PDE1A: variants seen among roughly 807,000 people sequenced by gnomAD.
The protein encoded by PDE1A is dual specificity calcium/calmodulin-dependent 3',5'-cyclic nucleotide phosphodiesterase 1A.
PDE1A carries 35 observed loss-of-function variants against 61.7 expected under a neutral mutation model. That is an observed-to-expected ratio of 0.57 (90% CI 0.43 to 0.75). The LOEUF is 0.75. Ranked by LOEUF, PDE1A falls within the 30% of genes least tolerant of loss-of-function variation. PDE1A has a pLI of 0.00. For synonymous variants in PDE1A, 232 were observed against 213.2 expected, an observed-to-expected ratio of 1.09 and a Z score of -0.77; for missense variants, 597 against 630.6, an observed-to-expected ratio of 0.95 and a Z score of 0.57.
chr2:182,603,400 G>C, the PDE1A span, among the ~76,000 whole-genome samples: 1 of 152,192 alleles, frequency 6.6e-6, no homozygotes, highest in Non-Finnish European at 1.5e-5. Flanking sequence ...AGGCTGGAAT[G>C]CAGTGGCGCC....
intron 2 of PDE1A, among the ~76,000 whole-genome samples, chr2:182,491,776 G>C (rs924141610): frequency 2.1e-5 from 3 of 142,664 alleles, no homozygotes; most frequent in Non-Finnish European, 4.6e-5. Context: ...CTTTTTCCTT[G>C]ACTATCATTC....
chr2:182,226,820 G>A (rs1191235555), intron 6 of PDE1A, among the ~76,000 whole-genome samples: 1 of 139,902 alleles, frequency 7.1e-6, no homozygotes, highest in African/African-American at 3.3e-5. Context: ...TGCTCAGGTT[G>A]GCTTACTCTA....
At chr2:182,605,034 G>A in the PDE1A span, among the ~76,000 whole-genome samples, 1 of 119,070 alleles carries the variant, frequency 8.4e-6, no homozygotes, top group Non-Finnish European at 1.8e-5. Context: ...CCTGAGGGGA[G>A]TGGATTTTTT....
intron 1 of PDE1A, among the ~76,000 whole-genome samples, chr2:182,409,685 TG>T (rs1702501806): frequency 6.6e-6 from 1 of 152,200 alleles, no homozygotes; most frequent in Non-Finnish European, 1.5e-5. Context: ...GGAGGGTCAC[TG>T]GGTATACCAT....
intron 2 of PDE1A, among the ~76,000 whole-genome samples, chr2:182,488,748 C>T (rs1476009190): frequency 1.3e-5 from 2 of 152,156 alleles, no homozygotes; most frequent in African/African-American, 4.8e-5. Flanking sequence ...ATATCCAATG[C>T]CTATAAGTGT....
the PDE1A span, among the ~76,000 whole-genome samples, chr2:182,648,137 C>A: frequency 4.6e-5 from 7 of 152,142 alleles, no homozygotes; most frequent in African/African-American, 1.7e-4. Flanking sequence ...ACCTGGTAAC[C>A]TGGCAATCTG....
upstream of PDE1A, among the ~76,000 whole-genome samples, chr2:182,526,339 G>T (rs369958134): frequency 2.6e-5 from 4 of 152,198 alleles, no homozygotes; most frequent in East Asian, 7.7e-4. Context: ...AATTAGAATT[G>T]TAAGGACATT....
the PDE1A span, among the ~76,000 whole-genome samples, chr2:182,611,884 T>G: frequency 6.6e-6 from 1 of 152,180 alleles, no homozygotes; most frequent in African/African-American, 2.4e-5. Context: ...ATGAAGATGT[T>G]TGGTCAAATA....
intron 1 of PDE1A, among the ~76,000 whole-genome samples, chr2:182,361,546 A>G (rs573417691): frequency 6.6e-6 from 1 of 152,176 alleles, no homozygotes; most frequent in Admixed American, 6.6e-5. Flanking sequence ...AAAAATATGA[A>G]TGGCCAGGTT....
chr2:182,418,789 A>G (rs1316428828), intron 1 of PDE1A, among the ~76,000 whole-genome samples: 1 of 152,052 alleles, frequency 6.6e-6, no homozygotes, highest in Non-Finnish European at 1.5e-5. Flanking sequence ...ACTTAATCAC[A>G]ACCTTGAAAA....
the PDE1A span, among the ~76,000 whole-genome samples, chr2:182,533,273 T>C: frequency 1.3e-5 from 2 of 152,156 alleles, no homozygotes; most frequent in Non-Finnish European, 2.9e-5. Context: ...ATCACACCAC[T>C]GCACTCCAGC....
chr2:182,320,964 T>C (rs1158730230), intron 1 of PDE1A, among the ~76,000 whole-genome samples: 1 of 152,290 alleles, frequency 6.6e-6, no homozygotes, highest in East Asian at 1.9e-4. Flanking sequence ...CAATATGTAA[T>C]CATTAATTAA....
In PDE1A at chr2:182,187,548, TA is replaced by T. The variant is rs578038438; in HGVS notation, c.1208-961del. Among the ~76,000 whole-genome samples the T allele has an allele frequency of 2.0e-4, 31 of 152,254 alleles. No homozygotes were observed. In the East Asian group the frequency reaches 6.0e-3, roughly 29 times the overall value. On this transcript the variant is annotated intron_variant, in intron 11 of 13. Coordinates refer to ENST00000351439, the Ensembl canonical transcript of PDE1A. ...ATAATGTCCTGTAAATATGCACATT[TA>T]AAGATTGTCCATCAGATGCTTGGAT...
At chr2:182,515,191 A>G (rs1690055235) in intron 2 of PDE1A, among the ~76,000 whole-genome samples, 1 of 152,200 alleles carries the variant, frequency 6.6e-6, no homozygotes, top group African/African-American at 2.4e-5. Context: ...TATCCAAAAT[A>G]CTTTCCCAAA....
At chr2:182,439,672 A>T (rs1684665665) in intron 2 of PDE1A, among the ~76,000 whole-genome samples, 1 of 152,060 alleles carries the variant, frequency 6.6e-6, no homozygotes, top group Non-Finnish European at 1.5e-5. Flanking sequence ...GAACAATCCC[A>T]TATTCAGTAA....
At chr2:182,335,138 C>T (rs1046442337) in intron 1 of PDE1A, among the ~76,000 whole-genome samples, 1 of 152,134 alleles carries the variant, frequency 6.6e-6, no homozygotes, top group Non-Finnish European at 1.5e-5. Context: ...AATGGAAAAA[C>T]ATTCCATGCT....
chr2:182,394,149 C>A (rs534512908), intron 1 of PDE1A, among the ~76,000 whole-genome samples: 1 of 152,074 alleles, frequency 6.6e-6, no homozygotes, highest in East Asian at 1.9e-4. Flanking sequence ...TCCATTCTCA[C>A]GCTGCTAATA....
intron 2 of PDE1A, among the ~76,000 whole-genome samples, chr2:182,457,623 A>G (rs1686011665): frequency 6.6e-6 from 1 of 152,060 alleles, no homozygotes; most frequent in Non-Finnish European, 1.5e-5. Context: ...TGATGATTAG[A>G]ATAGTGTGAT....
the PDE1A span, among the ~76,000 whole-genome samples, chr2:182,592,807 G>C: frequency 6.6e-6 from 1 of 152,114 alleles, no homozygotes; most frequent in Non-Finnish European, 1.5e-5. Context: ...AAGGAAAAAG[G>C]GTAGTTGATA....
Sources: gnomAD v4.1 joint callset for allele counts (sites outside exome capture counted in the v4.1 genomes callset) on GRCh38, gnomAD v4.1.1 for gene constraint, MANE v1.5 for transcripts, NCBI Gene and HGNC (gene_info 2026-07-23, HGNC 2026-07-21) for gene names.